Variants in PVT1 observed in about 807,000 individuals in gnomAD.
PVT1 encodes Pvt1 oncogene.
intron 4 of PVT1, among the ~76,000 whole-genome samples, chr8:128,014,749 G>C (rs1489044974): frequency 6.6e-6 from 1 of 152,192 alleles, no homozygotes; most frequent in East Asian, 1.9e-4. Context: ...TGAAGTTCTA[G>C]ATGGACTGAA....
intron 3 of PVT1, among the ~76,000 whole-genome samples, chr8:127,979,895 T>G (rs1417720965): frequency 2.1e-5 from 3 of 144,286 alleles, no homozygotes. Context: ...TGGTTTGTTT[T>G]CAGTGAAAGG....
chr8:127,812,339 C>T (rs1203599198), intron 2 of PVT1, among the ~76,000 whole-genome samples: 1 of 150,670 alleles, frequency 6.6e-6, no homozygotes, highest in Non-Finnish European at 1.5e-5. Flanking sequence ...AGTCCTGGCA[C>T]TTTGGGAGGC....
intron 4 of PVT1, among the ~76,000 whole-genome samples, chr8:128,010,935 G>C (rs1455391930): frequency 1.3e-5 from 2 of 152,264 alleles, no homozygotes; most frequent in Non-Finnish European, 2.9e-5. Context: ...TCAGTCAACA[G>C]TGAATGGGTT....
intron 3 of PVT1, among the ~76,000 whole-genome samples, chr8:127,969,737 T>C (rs1479795334): frequency 6.6e-6 from 1 of 152,098 alleles, no homozygotes; most frequent in Non-Finnish European, 1.5e-5. Context: ...TGGATGAATA[T>C]AGCTATTTTC....
chr8:127,914,894 C>T (rs943040773), intron 3 of PVT1, among the ~76,000 whole-genome samples: 13 of 148,714 alleles, frequency 8.7e-5, no homozygotes, highest in African/African-American at 3.0e-4. Context: ...GGTGCAATCT[C>T]AGCTCACTGC....
At chr8:127,928,092 C>T (rs1321134006) in intron 3 of PVT1, among the ~76,000 whole-genome samples, 1 of 152,130 alleles carries the variant, frequency 6.6e-6, no homozygotes, top group Non-Finnish European at 1.5e-5. Flanking sequence ...TTCCTAGGCC[C>T]ATCTGTGTAC....
chr8:127,932,983 A>AT (rs1251174476), intron 3 of PVT1, among the ~76,000 whole-genome samples: 4 of 152,036 alleles, frequency 2.6e-5, no homozygotes, highest in African/African-American at 9.6e-5. Context: ...GGGTTATCTT[A>AT]TTTTTTCCTT....
intron 2 of PVT1, among the ~76,000 whole-genome samples, chr8:127,817,556 C>T (rs1208076122): frequency 6.6e-4 from 57 of 86,314 alleles, no homozygotes; most frequent in South Asian, 1.3e-3. Flanking sequence ...TACACACACA[C>T]ACACATATAT....
intron 3 of PVT1, among the ~76,000 whole-genome samples, chr8:127,918,967 G>A (rs1816024027): frequency 2.0e-5 from 3 of 152,136 alleles, no homozygotes; most frequent in Admixed American, 1.3e-4. Flanking sequence ...TCGCGGGGTC[G>A]TGGGGGCTTT....
At chr8:128,081,904 C>T (rs921772542) in intron 5 of PVT1, among the ~76,000 whole-genome samples, 1 of 152,180 alleles carries the variant, frequency 6.6e-6, no homozygotes, top group East Asian at 1.9e-4. Flanking sequence ...GTCCTTGACT[C>T]GCTACATTCA....
intron 2 of PVT1, among the ~76,000 whole-genome samples, chr8:127,870,364 G>A (rs1348021091): frequency 6.6e-6 from 1 of 152,214 alleles, no homozygotes; most frequent in African/African-American, 2.4e-5. Context: ...GGAGCCTTCA[G>A]AGGGAGCACA....
intron 2 of PVT1, among the ~76,000 whole-genome samples, chr8:127,833,075 T>C (rs953746653): frequency 1.3e-5 from 2 of 152,182 alleles, no homozygotes; most frequent in African/African-American, 4.8e-5. Context: ...AACACTATTA[T>C]GGCTCCTTTC....
At chr8:127,803,319 C>A (rs897689034) in intron 2 of PVT1, 1 of 151,748 alleles carries the variant, frequency 6.6e-6, no homozygotes, top group Non-Finnish European at 1.5e-5. Context: ...TTAGTAGAGA[C>A]GAGGTTTCAC....
chr8:127,978,790 AT>A (rs1816851296), intron 3 of PVT1, among the ~76,000 whole-genome samples: 1 of 147,642 alleles, frequency 6.8e-6, no homozygotes, highest in Non-Finnish European at 1.5e-5. Context: ...CCGGACCATT[AT>A]TATTATAATT....
intron 4 of PVT1, among the ~76,000 whole-genome samples, chr8:128,020,626 A>C (rs2130052948): frequency 6.6e-6 from 1 of 152,322 alleles, no homozygotes; most frequent in Non-Finnish European, 1.5e-5. Flanking sequence ...TCCTGATAGG[A>C]GCCCAGTCCG....
At chr8:127,912,228 G>T (rs143520010) in intron 3 of PVT1, among the ~76,000 whole-genome samples, 47 of 152,320 alleles carry the variant, frequency 3.1e-4, no homozygotes, top group African/African-American at 1.1e-3. Context: ...ATTGTTTATT[G>T]TGTTGAATGT....
At chr8:127,981,129 C>CTG (rs139848062) in intron 3 of PVT1, among the ~76,000 whole-genome samples, 102 of 151,786 alleles carry the variant, frequency 6.7e-4, no homozygotes, top group East Asian at 3.3e-3. Flanking sequence ...TACTTAGCTT[C>CTG]TGTGTGTGTG....
chr8:127,851,891 G>A (rs9785148), intron 2 of PVT1: 6,700 of 152,402 alleles, frequency 0.044, 515 homozygotes, highest in African/African-American at 0.15. Flanking sequence ...TCTCTAGACC[G>A]GTTGCCACGC....
chr8:128,010,225 T>G (rs1483456626), intron 4 of PVT1: 1 of 152,200 alleles, frequency 6.6e-6, no homozygotes, highest in African/African-American at 2.4e-5. Context: ...TAGAGTCCAA[T>G]TTTAGGATGA....
Sources: allele counts gnomAD v4.1 joint callset (sites outside exome capture counted in the v4.1 genomes callset), GRCh38; gene constraint gnomAD v4.1.1; transcripts MANE v1.5; gene names NCBI Gene and HGNC (gene_info 2026-07-23, HGNC 2026-07-21).